The following FRMD1 variants were observed in gnomAD, a reference collection of about 807,000 sequenced individuals.
The protein encoded by FRMD1 is FERM domain containing 1.
In FRMD1, 51 loss-of-function variants were observed where a neutral mutation model predicts 54.9. The ratio of observed to expected loss-of-function variants is 0.93; its 90% CI spans 0.74 to 1.17. FRMD1 has a LOEUF of 1.17. Among genes scored for constraint, FRMD1 ranks in the 50% most tolerant of loss-of-function variants. The pLI is 0.00. For missense variants in FRMD1, 729 were observed against 743.0 expected, an observed-to-expected ratio of 0.98 and a Z score of 0.22; for synonymous variants, 324 against 306.4, an observed-to-expected ratio of 1.06 and a Z score of -0.60.
At chr6:168,066,704 G>A (rs766923130) in intron 4 of FRMD1, 51 bp downstream of exon 4, 3 of 1,564,438 alleles carry the variant, frequency 1.9e-6, no homozygotes, top group South Asian at 1.2e-5. Flanking sequence ...ACGTCATGCG[G>A]CAGATTTTCA....
intron 2 of FRMD1, among the ~76,000 whole-genome samples, chr6:168,073,551 C>T (rs561601384): frequency 7.9e-5 from 12 of 152,040 alleles, no homozygotes; most frequent in African/African-American, 1.7e-4. Flanking sequence ...CTGCTCCAGG[C>T]GGAGATTAGG....
At position 168,056,871 on chromosome 6, in the gene FRMD1, G is replaced by A. The variant is rs1431937619; in HGVS notation, c.*226C>T. Reference sequence around the variant, plus strand: ...GCTCCCTGAGACCCTGAGGGAAAGAGCTCCCGGGTGTATGGCAGACAGGCA... The same window carrying A: ...GCTCCCTGAGACCCTGAGGGAAAGAACTCCCGGGTGTATGGCAGACAGGCA... On this transcript the variant is annotated 3_prime_UTR_variant, in exon 11 of 11. Transcript: ENST00000283309. 5 of 424,318 alleles carry A rather than the reference G, an allele frequency of 1.2e-5. No homozygotes were observed. The highest frequency in any genetic ancestry group is 8.2e-5 in the African/African-American group (4 of 48,646). The allele number at this position is 424,318 out of a possible 1,614,324, so 26.3% of individuals were successfully genotyped here. A position where few individuals can be genotyped will look rare whatever the true frequency, so the allele number is the denominator to read the frequency against.
At chr6:168,088,450 G>A (rs972405310) in intron 1 of FRMD1, among the ~76,000 whole-genome samples, 1 of 152,220 alleles carries the variant, frequency 6.6e-6, no homozygotes, top group African/African-American at 2.4e-5. Flanking sequence ...TCCACCCAGA[G>A]GGCAGATGCT....
At chr6:168,088,959 C>T (rs1051339951) in intron 1 of FRMD1, among the ~76,000 whole-genome samples, 24 of 97,784 alleles carry the variant, frequency 2.5e-4, no homozygotes, top group African/African-American at 7.3e-4. Context: ...ACTGATCACA[C>T]GTGCCCTGCT....
upstream of FRMD1, chr6:168,081,554 A>AGAT (rs1386485544): frequency 3.3e-6 from 5 of 1,493,148 alleles, no homozygotes; most frequent in Non-Finnish European, 4.5e-6. Context: ...ATCATGAGAT[A>AGAT]GATAGAGGCC....
chr6:168,063,627 G>C lies in FRMD1; in HGVS notation c.778C>G (p.Pro260Ala), dbSNP rs1248083235. The C allele has an allele frequency of 6.2e-7, 1 of 1,612,994 alleles. No individual in the cohort carries two copies. ...TTGTGCAGCCTGAAGAAGTGCACGG[G>C]CACGTCCTCCAGCCGGCAGGCCTCC... ...IQEACRLEDV[P>A]VHFFRLHKDK... The change falls in exon 6 of 11, where the codon CCC (proline) becomes GCC (alanine). Residue 260 changes from proline (P) to alanine (A), a missense_variant. Pro to Ala is a conservative substitution (Grantham distance 27). Coordinates refer to ENST00000283309, the MANE Select transcript of FRMD1 (RefSeq NM_024919.6).
At chr6:168,091,569 G>C (rs141364437) in intron 1 of FRMD1, among the ~76,000 whole-genome samples, 6 of 152,356 alleles carry the variant, frequency 3.9e-5, no homozygotes, top group African/African-American at 1.4e-4. Flanking sequence ...TCTGGAGCCG[G>C]TGGGCGGATC....
chr6:168,058,458 G>C (rs1354475936), intron 10 of FRMD1, among the ~76,000 whole-genome samples: 1 of 150,840 alleles, frequency 6.6e-6, no homozygotes. Flanking sequence ...CCAGCATCAC[G>C]ATAACTAATC....
At chr6:168,066,121 C>T (rs1800012328) in intron 4 of FRMD1, 1 of 990,872 alleles carries the variant, frequency 1.0e-6, no homozygotes. Context: ...GCATAGCAGC[C>T]CTTAGCCCAG....
At chr6:168,079,299 AG>A (rs1181697919), upstream of FRMD1, 4 of 972,532 alleles carry the variant, frequency 4.1e-6, no homozygotes, top group South Asian at 4.6e-5. Context: ...GGAGGGCGCC[AG>A]GAATGCAAAT....
intron 1 of FRMD1, among the ~76,000 whole-genome samples, chr6:168,078,369 T>C (rs916261985): frequency 6.6e-5 from 10 of 152,156 alleles, no homozygotes; most frequent in African/African-American, 2.2e-4. Context: ...CATAAACTTA[T>C]TTCTCACAGC....
At chr6:168,081,912 C>A (rs1583211488), upstream of FRMD1, 2 of 177,732 alleles carry the variant, frequency 1.1e-5, no homozygotes, top group East Asian at 1.5e-4. Context: ...TTACAGTATG[C>A]AAACTATATC....
At chr6:168,079,272 C>A, upstream of FRMD1, 1 of 1,242,306 alleles carries the variant, frequency 8.0e-7, no homozygotes, top group Non-Finnish European at 1.1e-6. Context: ...GTCAGAGCTG[C>A]AAATAGCTGG....
At chr6:168,065,305 C>T (rs908532160) in intron 4 of FRMD1, 66 of 1,286,628 alleles carry the variant, frequency 5.1e-5, no homozygotes, top group Admixed American at 1.1e-4. Context: ...CTCCACCTGC[C>T]GAGGTCCCAC....
At chr6:168,091,978 T>C (rs1801023316) in intron 1 of FRMD1, among the ~76,000 whole-genome samples, 3 of 152,350 alleles carry the variant, frequency 2.0e-5, no homozygotes, top group African/African-American at 4.8e-5. Flanking sequence ...CACAGGCCAG[T>C]CGGCCTCCCC....
At chr6:168,057,514 A>G (rs1425412591) in intron 10 of FRMD1, 175 bp from the exon 11 acceptor site, 2 of 851,480 alleles carry the variant, frequency 2.3e-6, no homozygotes, top group Non-Finnish European at 1.8e-6. Flanking sequence ...CCTCTGCGAG[A>G]GAGGCTTGGC....
rs555566454 is a variant in FRMD1 at position 168,076,718 on chromosome 6, G to A, written c.214-1383C>T. ...TCTTGGGTATGTCTTTATTAGCAGC[G>A]TGAGAACAGACTAATATGATTATTG... On this transcript the variant is annotated intron_variant, in intron 1 of 10. Transcript: ENST00000283309. 3.9e-5 allele frequency among the ~76,000 whole-genome samples: 6 copies of A among 152,296 alleles called. No individual in the cohort carries two copies. The East Asian group carries it at 9.6e-4, about 24-fold the overall frequency.
chr6:168,053,174 C>CCGTGTTCACG lies in FRMD1; in HGVS notation c.*3922_*3923insCGTGAACACG, dbSNP rs58096682. ...GCCATTTTCCCCACTGCGTGTTCAC[C>CCGTGTTCACG]TCTTCACGCGCCTTTGTAGAATACC... On this transcript the variant is annotated 3_prime_UTR_variant, in exon 11 of 11. Transcript: ENST00000283309. 1 of 152,160 alleles carries CCGTGTTCACG rather than the reference C, an allele frequency of 6.6e-6. No individual in the cohort carries two copies. Among genetic ancestry groups the CCGTGTTCACG allele is most frequent in the Non-Finnish European group, 1.5e-5 (1 of 68,044 alleles). The allele number at this position is 152,160 out of a possible 1,614,324, so 9.4% of individuals were successfully genotyped here. A position where few individuals can be genotyped will look rare whatever the true frequency, so the allele number is the denominator to read the frequency against.
At position 168,064,916 on chromosome 6, in the gene FRMD1, G is replaced by A; in HGVS notation, c.603C>T (p.Ala201=). 1 of 1,602,364 alleles carries A rather than the reference G, an allele frequency of 6.2e-7. No homozygotes were observed. Among genetic ancestry groups the A allele is most frequent in the Non-Finnish European group, 8.5e-7 (1 of 1,175,050 alleles). The part of the protein sequence containing the change: ...QADLGEHRES[A]HAGRYFEPHS... Reference sequence around the variant, plus strand: ...GTGGCTCGAAGTACCTCCCGGCATGGGCCGACTCCCGGTGCTCGCCCAGGT... The same window carrying A: ...GTGGCTCGAAGTACCTCCCGGCATGAGCCGACTCCCGGTGCTCGCCCAGGT... The change falls in exon 5 of 11, where the codon GCC becomes GCT. Residue 201 remains alanine (A), a synonymous_variant. Coordinates refer to ENST00000283309, the MANE Select transcript of FRMD1 (RefSeq NM_024919.6).
Sources: allele counts gnomAD v4.1 joint callset (sites outside exome capture counted in the v4.1 genomes callset), GRCh38; gene constraint gnomAD v4.1.1; transcripts MANE v1.5; gene names NCBI Gene and HGNC (gene_info 2026-07-23, HGNC 2026-07-21).